The following FAF2 variants were observed in gnomAD, a reference collection of about 807,000 sequenced individuals.
FAF2 encodes Fas associated factor family member 2, also known as FAS-associated factor 2.
FAF2 carries 9 observed loss-of-function variants against 62.3 expected under a neutral mutation model. The ratio of observed to expected loss-of-function variants is 0.14; its 90% confidence interval spans 0.09 to 0.25. The LOEUF (loss-of-function observed/expected upper bound fraction) is 0.25. FAF2 is among the 10% of genes least tolerant of loss of function. The pLI is 1.00. For synonymous variants in FAF2, 202 were observed against 198.0 expected (o/e 1.02, Z -0.17); for missense variants, 368 against 556.2 (o/e 0.66, Z 3.40).
intron 8 of FAF2, 143 bp downstream of exon 8, chr5:176,496,806 T>G: frequency 3.6e-6 from 2 of 561,262 alleles, no homozygotes; most frequent in Non-Finnish European, 5.8e-6. Context: ...GTCAAAATAT[T>G]TACATACTTT....
chr5:176,493,294 A>G (rs952498894), intron 5 of FAF2, among the ~76,000 whole-genome samples: 6 of 152,206 alleles, frequency 3.9e-5, no homozygotes, highest in Admixed American at 3.3e-4. Flanking sequence ...CACCTACTGT[A>G]TGCCAGGCAA....
At chr5:176,455,585 A>G (rs557617403) in intron 1 of FAF2, among the ~76,000 whole-genome samples, 7 of 152,188 alleles carry the variant, frequency 4.6e-5, no homozygotes, top group Non-Finnish European at 8.8e-5. Flanking sequence ...CCCCATCTCT[A>G]CTAAAATACA....
At chr5:176,482,118 A>G (rs1377429858) in intron 2 of FAF2, among the ~76,000 whole-genome samples, 1 of 151,868 alleles carries the variant, frequency 6.6e-6, no homozygotes, top group Non-Finnish European at 1.5e-5. Context: ...ATATTTTTTC[A>G]TATTCTTATT....
At chr5:176,502,131 TG>T (rs1234677429) in intron 10 of FAF2, among the ~76,000 whole-genome samples, 14 of 152,268 alleles carry the variant, frequency 9.2e-5, no homozygotes, top group Middle Eastern at 3.4e-3. Context: ...ATGTAGTAGG[TG>T]GTTATTAGCG....
At chr5:176,458,039 C>T (rs1282133969) in intron 1 of FAF2, among the ~76,000 whole-genome samples, 3 of 152,122 alleles carry the variant, frequency 2.0e-5, no homozygotes, top group Admixed American at 6.6e-5. Context: ...CTACTTTTTC[C>T]AGAATAATAT....
chr5:176,469,281 T>C (rs568318521), intron 1 of FAF2, among the ~76,000 whole-genome samples: 38 of 152,080 alleles, frequency 2.5e-4, no homozygotes, highest in Non-Finnish European at 5.4e-4. Context: ...AAAAGAATTA[T>C]AATTGGAGTT....
At chr5:176,455,102 G>C (rs550908392) in intron 1 of FAF2, among the ~76,000 whole-genome samples, 3 of 152,174 alleles carry the variant, frequency 2.0e-5, no homozygotes, top group African/African-American at 7.2e-5. Context: ...GTTTAGTTAG[G>C]TGTGGGCAAG....
chr5:176,471,375 C>CT lies in FAF2; in HGVS notation c.64-7789dup, dbSNP rs138149987. Among the ~76,000 whole-genome samples, 578 of 97,586 alleles carry CT rather than the reference C, an allele frequency of 5.9e-3. 9 individuals carry two copies. Among genetic ancestry groups the CT allele is most frequent in the Middle Eastern group, 0.011 (2 of 184 alleles). The allele number at this position is 97,586 out of a possible 152,430, so 64.0% of individuals were successfully genotyped here. Reference sequence around the variant, plus strand: ...TGATTCTCATCCCTCTCTGTACATTCTTTTTTTTTTTTTTTTTTTTTTTTG... The same window carrying CT: ...TGATTCTCATCCCTCTCTGTACATTCTTTTTTTTTTTTTTTTTTTTTTTTTG... On this transcript the variant is annotated intron_variant, in intron 1 of 10. Coordinates refer to ENST00000261942, the MANE Select transcript of FAF2 (RefSeq NM_014613.3).
chr5:176,498,703 CT>C (rs1755540837), intron 8 of FAF2, among the ~76,000 whole-genome samples: 2 of 152,134 alleles, frequency 1.3e-5, no homozygotes, highest in African/African-American at 4.8e-5. Flanking sequence ...TTGCTGTTTC[CT>C]TTTCTGCCAA....
intron 2 of FAF2, among the ~76,000 whole-genome samples, chr5:176,483,888 A>G (rs1445791936): frequency 6.6e-6 from 1 of 152,130 alleles, no homozygotes; most frequent in African/African-American, 2.4e-5. Context: ...CATTCTGGCC[A>G]ACATCGTGAA....
intron 2 of FAF2, 64 bp downstream of exon 2, chr5:176,479,320 A>G (rs1758752302): frequency 3.1e-6 from 4 of 1,273,246 alleles, no homozygotes; most frequent in African/African-American, 1.5e-5. Context: ...TCAAAACCGT[A>G]TGTTTTTCCA....
intron 2 of FAF2, 111 bp from the exon 3 acceptor site, chr5:176,486,244 G>A: frequency 7.5e-7 from 1 of 1,341,154 alleles, no homozygotes; most frequent in Non-Finnish European, 1.0e-6. Context: ...TGACCTTTTG[G>A]TGTATTCATG....
At chr5:176,506,393 A>G (rs1755685895) in intron 10 of FAF2, among the ~76,000 whole-genome samples, 1 of 152,146 alleles carries the variant, frequency 6.6e-6, no homozygotes, top group Admixed American at 6.6e-5. Context: ...ACTTGAGGCC[A>G]TGTGTCTTAC....
chr5:176,480,149 T>C (rs1758764781), intron 2 of FAF2, among the ~76,000 whole-genome samples: 2 of 152,212 alleles, frequency 1.3e-5, no homozygotes, highest in Non-Finnish European at 2.9e-5. Context: ...TGTTGGTTTT[T>C]CCCTTCCATT....
intron 3 of FAF2, among the ~76,000 whole-genome samples, chr5:176,488,319 A>G (rs1469560997): frequency 6.6e-6 from 1 of 152,142 alleles, no homozygotes; most frequent in Non-Finnish European, 1.5e-5. Context: ...TCTAAAAAGG[A>G]AAGAATGAGT....
intron 7 of FAF2, among the ~76,000 whole-genome samples, chr5:176,495,334 C>T (rs1433827203): frequency 6.6e-6 from 1 of 152,128 alleles, no homozygotes; most frequent in Non-Finnish European, 1.5e-5. Context: ...CATCCAAATT[C>T]CTGCATGCGT....
intron 1 of FAF2, among the ~76,000 whole-genome samples, chr5:176,463,742 T>C (rs942889746): frequency 1.5e-4 from 22 of 151,526 alleles, no homozygotes; most frequent in Non-Finnish European, 2.2e-4. Flanking sequence ...TTTTTTTTTT[T>C]TCCTTGAGAC....
rs528276950 is a variant in FAF2 at position 176,477,087 on chromosome 5, C to T, written c.64-2101C>T. Among the ~76,000 whole-genome samples, 441 of 148,982 alleles carry T rather than the reference C, an allele frequency of 3.0e-3. 1 individual carries two copies. Among genetic ancestry groups the T allele is most frequent in the African/African-American group, 0.011 (431 of 40,450 alleles). On this transcript the variant is annotated intron_variant, in intron 1 of 10. Coordinates refer to ENST00000261942, the MANE Select transcript of FAF2 (RefSeq NM_014613.3). ...CCTCCCAAAGTGCTGAGATTACAGG[C>T]GTGAGCCACCGTGCCCGGCCTTTTT...
chr5:176,486,550 A>T (rs1758878732), intron 3 of FAF2, 61 bp downstream of exon 3: 1 of 1,543,752 alleles, frequency 6.5e-7, no homozygotes, highest in African/African-American at 1.4e-5. Context: ...CCACTTGGTT[A>T]TATTGATCTC....
Sources: allele counts gnomAD v4.1 joint callset (sites outside exome capture counted in the v4.1 genomes callset), GRCh38; gene constraint gnomAD v4.1.1; transcripts MANE v1.5; gene names NCBI Gene and HGNC (gene_info 2026-07-23, HGNC 2026-07-21).